The following PRRC2C variants were observed in gnomAD, a reference collection of about 807,000 sequenced individuals.
The protein encoded by PRRC2C is protein PRRC2C.
In PRRC2C, 72 loss-of-function variants were observed where a neutral mutation model predicts 317.2. That is an observed-to-expected ratio of 0.23 (90% CI 0.19 to 0.28). The LOEUF (loss-of-function observed/expected upper bound fraction) is 0.28, where lower values mean the gene tolerates loss of function less well. Ranked by LOEUF, PRRC2C falls within the 10% of genes least tolerant of loss-of-function variation. The pLI, the probability that PRRC2C is intolerant of heterozygous loss-of-function variation, is 1.00. For synonymous variants in PRRC2C, 1,296 were observed against 1,205.9 expected (o/e 1.07, Z -1.55); for missense variants, 3,074 against 3,459.7 (o/e 0.89, Z 2.80).
intron 33 of PRRC2C, among the ~76,000 whole-genome samples, chr1:171,588,708 A>G (rs1400032582): frequency 1.3e-5 from 2 of 152,218 alleles, no homozygotes; most frequent in African/African-American, 2.4e-5. Flanking sequence ...TCTAAAGCAG[A>G]CAAGAGAAAT....
chr1:171,588,623 G>T (rs72717849), intron 33 of PRRC2C, 118 bp downstream of exon 33: 87,488 of 1,158,908 alleles, frequency 0.075, 3,888 homozygotes, highest in Non-Finnish European at 0.092. Flanking sequence ...ATAAAAAATT[G>T]TTTCTGAATT....
At chr1:171,565,636 CAG>C (rs1683509583) in intron 20 of PRRC2C, among the ~76,000 whole-genome samples, 1 of 152,144 alleles carries the variant, frequency 6.6e-6, no homozygotes, top group Non-Finnish European at 1.5e-5. Context: ...TTAGTAGAGA[CAG>C]AGTTTCACCA....
chr1:171,550,033 T>A, intron 17 of PRRC2C, 53 bp from the exon 18 acceptor site: 1 of 1,421,156 alleles, frequency 7.0e-7, no homozygotes, highest in South Asian at 1.5e-5. Context: ...ACATTTTTAT[T>A]AATTTTCATT....
chr1:171,503,347 A>C (rs1467828421), intron 1 of PRRC2C, among the ~76,000 whole-genome samples: 1 of 152,064 alleles, frequency 6.6e-6, no homozygotes, highest in Non-Finnish European at 1.5e-5. Flanking sequence ...AACATGACAA[A>C]ACCCCATCTT....
intron 18 of PRRC2C, among the ~76,000 whole-genome samples, chr1:171,556,235 C>A (rs1460046369): frequency 6.6e-6 from 1 of 152,216 alleles, no homozygotes; most frequent in Non-Finnish European, 1.5e-5. Flanking sequence ...CCGAGCCAGG[C>A]GTGGGATATA....
Position 171,532,727 on chromosome 1 carries a change from C to G in PRRC2C, c.1639C>G (p.Leu547Val). Residue 547 changes from leucine to valine, a missense_variant, in exon 12 of 35, where the codon CTG (leucine) becomes GTG (valine). Around this residue, in one of 11 missense-constraint regions of PRRC2C, gnomAD observed 1,320 missense variants for 1,395.7 expected, o/e 0.95. Transcript: ENST00000647382. ...RERQQEKEKELEKEQEKQREM... is the reference protein window; with the variant it reads ...RERQQEKEKEVEKEQEKQREM... Reference sequence around the variant, plus strand: ...GAGACAGCAGGAAAAGGAGAAAGAGCTGGAGAAGGAGCAGGAAAAACAAAG... The same window carrying G: ...GAGACAGCAGGAAAAGGAGAAAGAGGTGGAGAAGGAGCAGGAAAAACAAAG... 6.5e-7 allele frequency: 1 copy of G among 1,546,138 alleles called. No homozygotes were observed.
intron 14 of PRRC2C, 148 bp downstream of exon 14, chr1:171,536,426 T>A: frequency 1.1e-6 from 1 of 892,810 alleles, no homozygotes; most frequent in Non-Finnish European, 1.7e-6. Flanking sequence ...ATCGAGTAAT[T>A]AAATATCTGA....
intron 1 of PRRC2C, among the ~76,000 whole-genome samples, chr1:171,508,662 T>C (rs1320596090): frequency 6.6e-6 from 1 of 152,226 alleles, no homozygotes; most frequent in Admixed American, 6.5e-5. Context: ...TGTTCCTTCA[T>C]AAGAATATGG....
In PRRC2C at chr1:171,540,947, G is replaced by A; in HGVS notation, c.3481G>A (p.Val1161Ile). ...ERPRPDSRPA[V>I]KKESTLPPRT... ...GCCTCGACCAGATTCAAGACCAGCA[G>A]TTAAAAAAGAATCAACTTTGCCTCC... Residue 1161 changes from valine (V) to isoleucine (I), a missense_variant, in exon 16 of 35, where the codon GTT becomes ATT. Physicochemically the swap from Val to Ile is conservative, Grantham distance 29. Coordinates refer to ENST00000647382, the MANE Select transcript of PRRC2C (RefSeq NM_001387844.1). 6.2e-7 allele frequency: 1 copy of A among 1,613,960 alleles called. No individual in the cohort carries two copies. The highest frequency in any genetic ancestry group is 8.5e-7 in the Non-Finnish European group (1 of 1,179,870).
intron 6 of PRRC2C, among the ~76,000 whole-genome samples, chr1:171,518,830 A>T (rs1255131353): frequency 6.6e-6 from 1 of 151,346 alleles, no homozygotes; most frequent in African/African-American, 2.4e-5. Context: ...GGAAAATTTT[A>T]AACATGTACA....
In PRRC2C at chr1:171,514,517, A is replaced by G. The variant is rs746276932; in HGVS notation, c.291-19A>G. The G allele has an allele frequency of 2.6e-6, 4 of 1,513,396 alleles. No homozygotes were observed. Among genetic ancestry groups the G allele is most frequent in the East Asian group, 4.9e-5 (2 of 40,732 alleles). The allele number at this position is 1,513,396 out of a possible 1,614,324, so 93.7% of individuals were successfully genotyped here. A position where few individuals can be genotyped will look rare whatever the true frequency, so the allele number is the denominator to read the frequency against. ...AAACATACAGTATCTGAAATAATGG[A>G]TTCATATTTTTTTTTAAGAACACCA... On this transcript the variant is annotated intron_variant, in intron 3 of 34. Coordinates refer to ENST00000647382, the MANE Select transcript of PRRC2C (RefSeq NM_001387844.1).
At chr1:171,505,755 T>C (rs1371229073) in intron 1 of PRRC2C, among the ~76,000 whole-genome samples, 2 of 152,184 alleles carry the variant, frequency 1.3e-5, no homozygotes, top group East Asian at 3.8e-4. Context: ...AAATCAGGAA[T>C]GGGTTGATTT....
chr1:171,506,212 T>C (rs954101407), intron 1 of PRRC2C, among the ~76,000 whole-genome samples: 3 of 152,218 alleles, frequency 2.0e-5, no homozygotes, highest in Non-Finnish European at 2.9e-5. Context: ...TGCCTTTATT[T>C]TTGGAAGATG....
In PRRC2C at chr1:171,532,224, T is replaced by C. The variant is rs1326076957; in HGVS notation, c.1255-119T>C. 4 of 1,020,280 alleles carry C rather than the reference T, an allele frequency of 3.9e-6. No homozygotes were observed. The African/African-American group carries it at 4.9e-5, about 12-fold the overall frequency. The allele number at this position is 1,020,280 out of a possible 1,614,324, so 63.2% of individuals were successfully genotyped here. ...CATCTTATGTGTTTTCATTTTAATG[T>C]GTATGTTCATCAGAGAAATTTCTGA... is the stretch of plus-strand genomic sequence containing the variant. On this transcript the variant is annotated intron_variant, in intron 11 of 34. Transcript: ENST00000647382.
intron 15 of PRRC2C, among the ~76,000 whole-genome samples, chr1:171,538,040 A>G (rs988836679): frequency 4.6e-5 from 7 of 152,142 alleles, no homozygotes; most frequent in Non-Finnish European, 1.0e-4. Flanking sequence ...AGCTGGGACT[A>G]CAGGCACCCG....
intron 1 of PRRC2C, among the ~76,000 whole-genome samples, chr1:171,498,360 G>A (rs988290689): frequency 6.6e-6 from 1 of 152,122 alleles, no homozygotes; most frequent in African/African-American, 2.4e-5. Flanking sequence ...CCTCCAAGAT[G>A]GCACCTTGTT....
chr1:171,586,003 T>G (rs1649820131), intron 30 of PRRC2C, among the ~76,000 whole-genome samples: 1 of 150,212 alleles, frequency 6.7e-6, no homozygotes, highest in South Asian at 2.1e-4. Flanking sequence ...AATAACTTTG[T>G]GCATGAAACA....
Position 171,566,693 on chromosome 1 carries a change from G to A in PRRC2C, c.6408G>A (p.Val2136=). ...KNRKVKDAQQ[V]EPEGQEKPSP... is the part of the protein sequence containing the mutation. ...GAAAAGTAAAAGATGCCCAACAGGT[G>A]GAGCCAGAAGGACAAGAGAAACCAA... Residue 2136 remains valine, a synonymous_variant, in exon 22 of 35, where the codon GTG becomes GTA. Coordinates refer to ENST00000647382, the MANE Select transcript of PRRC2C (RefSeq NM_001387844.1). 4 of 1,613,332 alleles carry A rather than the reference G, an allele frequency of 2.5e-6. No individual in the cohort carries two copies. Among genetic ancestry groups the A allele is most frequent in the Non-Finnish European group, 3.4e-6 (4 of 1,179,606 alleles).
At position 171,587,528 on chromosome 1, in the gene PRRC2C, G is replaced by C. The variant is rs967413869; in HGVS notation, c.7969-120G>C. On this transcript the variant is annotated intron_variant, in intron 31 of 34. Transcript: ENST00000647382. ...TAATACTTGAAGCCTAACTATAGGA[G>C]TTTTGTACTAAGGTTCTTTGCCCTT... is the stretch of plus-strand genomic sequence containing the variant. The C allele has an allele frequency of 1.7e-4, 115 of 696,270 alleles. 2 individuals carry two copies. In the Middle Eastern group the frequency reaches 2.0e-3, roughly 12 times the overall value. The allele number at this position is 696,270 out of a possible 1,614,324, so 43.1% of individuals were successfully genotyped here.
Sources: gnomAD v4.1 joint callset for allele counts (sites outside exome capture counted in the v4.1 genomes callset) on GRCh38, gnomAD v4.1.1 for gene constraint, gnomAD v4.1.1 regional missense constraint, MANE v1.5 for transcripts, NCBI Gene and HGNC (gene_info 2026-07-23, HGNC 2026-07-21) for gene names.